Variants in FAM217A observed in about 807,000 individuals in gnomAD.
FAM217A encodes family with sequence similarity 217 member A.
A neutral mutation model predicts 18.5 loss-of-function variants in FAM217A; 13 were observed. The observed-to-expected ratio is 0.70, with a 90% CI of 0.46 to 1.12. The LOEUF (loss-of-function observed/expected upper bound fraction) is 1.12. Ranked by LOEUF, FAM217A falls within the 50% of genes most tolerant of loss-of-function variation. FAM217A has a pLI of 0.00. For synonymous variants in FAM217A, 161 were observed against 202.8 expected, an observed-to-expected ratio of 0.79 and a Z score of 1.75; for missense variants, 560 against 575.4, an observed-to-expected ratio of 0.97 and a Z score of 0.27.
intron 2 of FAM217A, among the ~76,000 whole-genome samples, chr6:4,077,132 AGAAATGTTT>A (rs1769858828): frequency 6.6e-6 from 1 of 152,274 alleles, no homozygotes; most frequent in Admixed American, 6.5e-5. Flanking sequence ...AATTGCAATT[AGAAATGTTT>A]GACATTTGGA....
At chr6:4,074,114 A>G (rs187038142) in intron 4 of FAM217A, among the ~76,000 whole-genome samples, 13 of 152,244 alleles carry the variant, frequency 8.5e-5, no homozygotes, top group African/African-American at 3.1e-4. Context: ...AGCCTCCTAA[A>G]GTGCTGGGAT....
In FAM217A at chr6:4,069,007, A is replaced by T. The variant is rs765663000; in HGVS notation, c.1216T>A (p.Ser406Thr). 1 of 1,613,652 alleles carries T rather than the reference A, an allele frequency of 6.2e-7. No individual in the cohort carries two copies. The highest frequency in any genetic ancestry group is 1.3e-5 in the African/African-American group (1 of 74,906). The change falls in exon 7 of 7, where the codon TCT (serine) becomes ACT (threonine). Residue 406 changes from serine (S) to threonine (T), a missense_variant. Ser to Thr is a moderately conservative substitution (Grantham distance 58, BLOSUM62 1). Coordinates refer to ENST00000274673, the MANE Select transcript of FAM217A (RefSeq NM_173563.3). Reference sequence around the variant, plus strand: ...AGTTCTTGGCATGGACTTAAAATAGAACTTTTGGGATTCTTATCATAAGTT... The same window carrying T: ...AGTTCTTGGCATGGACTTAAAATAGTACTTTTGGGATTCTTATCATAAGTT... ...IETYDKNPKS[S>T]ILSPCQELSF...
upstream of FAM217A, among the ~76,000 whole-genome samples, chr6:4,081,763 TG>T (rs1312129069): frequency 6.6e-6 from 1 of 152,266 alleles, no homozygotes; most frequent in Admixed American, 6.5e-5. Flanking sequence ...TATATCTAGC[TG>T]GGAAATGTTC....
Position 4,079,090 on chromosome 6 carries a change from A to C in FAM217A, c.-273T>G. ...GGGGTGGGAGTCGGGCCCGGGGCCC[A>C]GAGAGACCTTCCGGGGCCGGGGCTG... On this transcript the variant is annotated 5_prime_UTR_variant, in exon 1 of 7. Transcript: ENST00000274673. 2.8e-6 allele frequency: 1 copy of C among 355,236 alleles called. No homozygotes were observed. The highest frequency in any genetic ancestry group is 5.0e-6 in the Non-Finnish European group (1 of 199,074). The allele number at this position is 355,236 out of a possible 1,614,324, so 22.0% of individuals were successfully genotyped here.
At chr6:4,075,399 C>T (rs139558304) in intron 2 of FAM217A, among the ~76,000 whole-genome samples, 1 of 152,204 alleles carries the variant, frequency 6.6e-6, no homozygotes, top group East Asian at 1.9e-4. Context: ...CCATCAACCA[C>T]AGGAAGTCTC....
At chr6:4,083,733 T>A (rs1247586952), upstream of FAM217A, among the ~76,000 whole-genome samples, 2 of 152,054 alleles carry the variant, frequency 1.3e-5, no homozygotes, top group East Asian at 3.9e-4. Context: ...TTTGTATTTA[T>A]AGTAGAGACG....
At chr6:4,084,820 A>G in intron 1 of FAM217A, 1 of 702,514 alleles carries the variant, frequency 1.4e-6, no homozygotes, top group Non-Finnish European at 2.6e-6. Flanking sequence ...TCTTAGGAAC[A>G]GAAAAAGGAA....
chr6:4,087,140 C>CT (rs1770720819), upstream of FAM217A: 2 of 423,324 alleles, frequency 4.7e-6, no homozygotes, highest in South Asian at 2.4e-4. Context: ...TAGGTACATA[C>CT]TGGGAGCAAG....
chr6:4,079,538 A>G, upstream of FAM217A: 1 of 1,132,558 alleles, frequency 8.8e-7, no homozygotes, highest in African/African-American at 1.6e-5. Flanking sequence ...GCCTTCCCCG[A>G]GGCCTCCAGG....
upstream of FAM217A, among the ~76,000 whole-genome samples, chr6:4,081,074 T>C (rs1770263649): frequency 1.3e-5 from 2 of 152,332 alleles, no homozygotes. Flanking sequence ...TATCTGCCCA[T>C]ATTCTATCTA....
chr6:4,069,946 A>G (rs1769295071), intron 6 of FAM217A, 26 bp from the exon 7 acceptor site: 1 of 1,441,714 alleles, frequency 6.9e-7, no homozygotes, highest in African/African-American at 1.4e-5. Flanking sequence ...TAATTAATGA[A>G]TGGTTTATTG....
At chr6:4,075,065 C>T (rs1212998003) in intron 2 of FAM217A, among the ~76,000 whole-genome samples, 1 of 152,204 alleles carries the variant, frequency 6.6e-6, no homozygotes, top group Non-Finnish European at 1.5e-5. Flanking sequence ...GGTGTGGTGG[C>T]TCATGCCTGT....
chr6:4,079,567 C>A, upstream of FAM217A: 1 of 1,280,412 alleles, frequency 7.8e-7, no homozygotes, highest in Non-Finnish European at 1.0e-6. Context: ...TGGGCCTCTC[C>A]AGGCTGAGCT....
chr6:4,082,217 C>T (rs748700079), upstream of FAM217A, among the ~76,000 whole-genome samples: 1 of 152,126 alleles, frequency 6.6e-6, no homozygotes, highest in Non-Finnish European at 1.5e-5. Context: ...TCTGGCCCAG[C>T]GTAGGAGGTT....
Position 4,069,165 on chromosome 6 carries a change from C to G in FAM217A, c.1058G>C (p.Ser353Thr). Reference protein sequence around the residue: ...IPCVDKSQEKSKNNSGSCKLE... With the variant: ...IPCVDKSQEKTKNNSGSCKLE... Reference sequence around the variant, plus strand: ...CTTACAAGAACCAGAGTTGTTTTTACTTTTTTCTTGACTTTTATCTACACA... The same window carrying G: ...CTTACAAGAACCAGAGTTGTTTTTAGTTTTTTCTTGACTTTTATCTACACA... Residue 353 changes from serine to threonine, a missense_variant, in exon 7 of 7, where the codon AGT (serine) becomes ACT (threonine). Coordinates refer to ENST00000274673, the MANE Select transcript of FAM217A (RefSeq NM_173563.3). 1 of 1,322,136 alleles carries G rather than the reference C, an allele frequency of 7.6e-7. No individual in the cohort carries two copies. The highest frequency in any genetic ancestry group is 1.0e-6 in the Non-Finnish European group (1 of 955,972). 81.9% of individuals were successfully genotyped at this position (1,322,136 alleles called of 1,614,324 possible).
chr6:4,068,583 T>G lies in FAM217A; in HGVS notation c.*113A>C. 8.4e-7 allele frequency: 1 copy of G among 1,184,704 alleles called. No individual in the cohort carries two copies. Among genetic ancestry groups the G allele is most frequent in the Non-Finnish European group, 1.2e-6 (1 of 850,646 alleles). The allele number at this position is 1,184,704 out of a possible 1,614,324, so 73.4% of individuals were successfully genotyped here. ...ACTCCATATCACATCAAGCAACTGT[T>G]TGGTGATTTTGGGGGACTGTTAATA... is the stretch of plus-strand genomic sequence containing the variant. On this transcript the variant is annotated 3_prime_UTR_variant, in exon 7 of 7. Transcript: ENST00000274673.
At chr6:4,086,116 A>G (rs1297910587) in intron 1 of FAM217A, among the ~76,000 whole-genome samples, 1 of 152,046 alleles carries the variant, frequency 6.6e-6, no homozygotes, top group Non-Finnish European at 1.5e-5. Context: ...GAAAGAAAAA[A>G]GGAAGGAAGG....
Position 4,079,008 on chromosome 6 carries a change from G to C in FAM217A, c.-191C>G, listed in dbSNP as rs1456564522. 1 of 468,498 alleles carries C rather than the reference G, an allele frequency of 2.1e-6. No individual in the cohort carries two copies. Among genetic ancestry groups the C allele is most frequent in the African/African-American group, 2.1e-5 (1 of 48,398 alleles). The allele number at this position is 468,498 out of a possible 1,614,324, so 29.0% of individuals were successfully genotyped here. A position where few individuals can be genotyped will look rare whatever the true frequency, so the allele number is the denominator to read the frequency against. On this transcript the variant is annotated 5_prime_UTR_variant, in exon 1 of 7. Transcript: ENST00000274673. ...CAAAGAGGGCGGCGGGCGGCTGGCGGCCTTGAGCGCAGCCCGGTCGGCAGT... is the reference window on the plus strand; with the variant it reads ...CAAAGAGGGCGGCGGGCGGCTGGCGCCCTTGAGCGCAGCCCGGTCGGCAGT...
chr6:4,080,969 G>A (rs936466278), upstream of FAM217A, among the ~76,000 whole-genome samples: 71 of 150,118 alleles, frequency 4.7e-4, no homozygotes, highest in Admixed American at 4.0e-3. Context: ...TCCTTGCTTC[G>A]TTATAATGAT....
Sources: gnomAD v4.1 joint callset for allele counts (sites outside exome capture counted in the v4.1 genomes callset) on GRCh38, gnomAD v4.1.1 for gene constraint, MANE v1.5 for transcripts, NCBI Gene and HGNC (gene_info 2026-07-23, HGNC 2026-07-21) for gene names.